The following EYS variants were observed in gnomAD, a reference collection of about 807,000 sequenced individuals.
EYS encodes the protein EGF-like photoreceptor maintenance factor.
A neutral mutation model predicts 282.1 loss-of-function variants in EYS; 250 were observed. The ratio of observed to expected loss-of-function variants is 0.89; its 90% CI spans 0.80 to 0.98. EYS has a LOEUF of 0.98. Ranked by LOEUF, EYS falls within the 50% of genes least tolerant of loss-of-function variation. The probability of loss-of-function intolerance (pLI) is 0.00; values close to 1 mark genes in which losing one functional copy is unlikely to be tolerated. For synonymous variants in EYS, 1,355 were observed against 1,282.9 expected (o/e 1.06, Z -1.20); for missense variants, 4,016 against 3,709.0 (o/e 1.08, Z -2.15).
chr6:65,478,808 G>A (rs1765497665), intron 5 of EYS, among the ~76,000 whole-genome samples: 1 of 152,074 alleles, frequency 6.6e-6, no homozygotes, highest in Admixed American at 6.6e-5. Context: ...AAGAGAGAGA[G>A]AAAGCCACAT....
chr6:65,604,824 C>CT (rs1765728458), intron 2 of EYS, among the ~76,000 whole-genome samples: 1 of 145,984 alleles, frequency 6.9e-6, no homozygotes, highest in Non-Finnish European at 1.5e-5. Flanking sequence ...TGTAAAAGAC[C>CT]TTTAAATTCA....
intron 22 of EYS, among the ~76,000 whole-genome samples, chr6:64,785,731 G>T (rs753204828): frequency 4.5e-4 from 69 of 152,220 alleles, no homozygotes; most frequent in Non-Finnish European, 8.7e-4. Flanking sequence ...AATATTTGTT[G>T]CACTTTGATT....
intron 22 of EYS, among the ~76,000 whole-genome samples, chr6:64,652,358 G>A (rs142035938): frequency 2.2e-3 from 335 of 152,290 alleles, no homozygotes; most frequent in Non-Finnish European, 3.7e-3. Flanking sequence ...ATTCTGGCTG[G>A]CCTAGAAGGA....
At chr6:63,911,693 T>G (rs1275446152) in intron 35 of EYS, among the ~76,000 whole-genome samples, 1 of 152,206 alleles carries the variant, frequency 6.6e-6, no homozygotes, top group African/African-American at 2.4e-5. Flanking sequence ...CTGGCATAGA[T>G]TCAAATTTTT....
chr6:65,523,058 T>C (rs114208656), intron 2 of EYS, among the ~76,000 whole-genome samples: 1 of 152,166 alleles, frequency 6.6e-6, no homozygotes, highest in Non-Finnish European at 1.5e-5. Flanking sequence ...TTCAAATACA[T>C]AGATTAACAA....
intron 29 of EYS, among the ~76,000 whole-genome samples, chr6:64,332,825 G>T (rs1270704405): frequency 6.6e-6 from 1 of 152,192 alleles, no homozygotes; most frequent in Admixed American, 6.5e-5. Flanking sequence ...AATGTGGATT[G>T]AATTTACAAG....
intron 2 of EYS, among the ~76,000 whole-genome samples, chr6:65,594,483 A>G (rs1416372598): frequency 1.3e-5 from 2 of 152,026 alleles, no homozygotes; most frequent in Non-Finnish European, 2.9e-5. Flanking sequence ...ATTACTTTGC[A>G]GTAGAGACAT....
chr6:64,515,921 T>G (rs1777548262), intron 26 of EYS, among the ~76,000 whole-genome samples: 1 of 151,774 alleles, frequency 6.6e-6, no homozygotes, highest in Admixed American at 6.6e-5. Context: ...TAGCCGAACT[T>G]TAAGTAATTC....
At chr6:64,506,124 G>A (rs973590952) in intron 26 of EYS, among the ~76,000 whole-genome samples, 9 of 152,196 alleles carry the variant, frequency 5.9e-5, no homozygotes, top group African/African-American at 2.2e-4. Context: ...TTGAAAAAAT[G>A]TGTATAAAAG....
intron 22 of EYS, among the ~76,000 whole-genome samples, chr6:64,669,702 C>T (rs2149895002): frequency 6.6e-6 from 1 of 152,152 alleles, no homozygotes; most frequent in Non-Finnish European, 1.5e-5. Flanking sequence ...TTTATTTGTT[C>T]TTAAAATGAC....
chr6:64,246,018 CAAAAAAAAAAAAAAAAAA>C (rs60121734), intron 30 of EYS, among the ~76,000 whole-genome samples: 2 of 56,200 alleles, frequency 3.6e-5, no homozygotes, highest in Non-Finnish European at 5.7e-5. Context: ...AACTCCGTCT[CAAAAAAAAAAAAAAAAAA>C]AAAAAAAAAA....
rs568082336 is a variant in EYS, at chr6:64,351,586, A to G, written c.6078+37104T>C. On this transcript the variant is annotated intron_variant, in intron 29 of 42. Transcript: ENST00000503581. ...TCACAATCATTTAAGAAGAGACCCG[A>G]GAGCAGAATAATTTCTAGTAAATTG... Among the ~76,000 whole-genome samples the G allele has an allele frequency of 5.1e-4, 78 of 151,666 alleles. 1 individual carries two copies. The Middle Eastern group carries it at 0.014, about 26-fold the overall frequency.
At chr6:64,330,225 G>GGTATC (rs1335664315) in intron 29 of EYS, among the ~76,000 whole-genome samples, 2 of 152,176 alleles carry the variant, frequency 1.3e-5, no homozygotes, top group African/African-American at 4.8e-5. Flanking sequence ...CAAAGAGCAA[G>GGTATC]GTATCTTGGC....
At chr6:64,373,465 T>C (rs938670168) in intron 29 of EYS, among the ~76,000 whole-genome samples, 1 of 152,182 alleles carries the variant, frequency 6.6e-6, no homozygotes, top group Admixed American at 6.5e-5. Flanking sequence ...GTGTGCTTCA[T>C]GTGAAACAGA....
At chr6:64,746,074 G>C (rs1484917180) in intron 22 of EYS, among the ~76,000 whole-genome samples, 2 of 151,938 alleles carry the variant, frequency 1.3e-5, no homozygotes, top group East Asian at 3.9e-4. Flanking sequence ...GCTGTGGTTT[G>C]ACTAGCAATA....
intron 29 of EYS, among the ~76,000 whole-genome samples, chr6:64,335,805 G>A (rs1308497828): frequency 1.3e-5 from 2 of 152,114 alleles, no homozygotes; most frequent in Non-Finnish European, 2.9e-5. Flanking sequence ...ACCTAGAGTA[G>A]ATTGAGGCCC....
rs143103364 is a variant in EYS at position 65,370,656 on chromosome 6, G to A, written c.1299+13730C>T. ...TTGCAACAAATGCATCTTTTCCCATGTTCTATGTATTGCTATAAAATGTAA... is the reference window on the plus strand; with the variant it reads ...TTGCAACAAATGCATCTTTTCCCATATTCTATGTATTGCTATAAAATGTAA... On this transcript the variant is annotated intron_variant, in intron 8 of 42. Coordinates refer to ENST00000503581, the MANE Select transcript of EYS (RefSeq NM_001142800.2). 6.3e-3 allele frequency among the ~76,000 whole-genome samples: 949 copies of A among 151,762 alleles called. 12 individuals are homozygous for A. The highest frequency in any genetic ancestry group is 0.01 in the Non-Finnish European group (707 of 67,934).
chr6:65,651,069 TTAATA>T (rs1767634283), intron 1 of EYS, among the ~76,000 whole-genome samples: 1 of 151,908 alleles, frequency 6.6e-6, no homozygotes, highest in Non-Finnish European at 1.5e-5. Context: ...AAAACCTTTA[TTAATA>T]TAATAAAATG....
At chr6:64,171,540 T>C (rs1258181654) in intron 31 of EYS, among the ~76,000 whole-genome samples, 1 of 152,166 alleles carries the variant, frequency 6.6e-6, no homozygotes, top group Non-Finnish European at 1.5e-5. Context: ...ACTCTTAAAG[T>C]ACCATTGAGA....
Sources: allele counts gnomAD v4.1 joint callset (sites outside exome capture counted in the v4.1 genomes callset), GRCh38; gene constraint gnomAD v4.1.1; transcripts MANE v1.5; gene names NCBI Gene and HGNC (gene_info 2026-07-23, HGNC 2026-07-21).